PEBP1: variants seen among roughly 807,000 people sequenced by gnomAD.
The protein encoded by PEBP1 is phosphatidylethanolamine binding protein 1, also known as phosphatidylethanolamine-binding protein 1.
In PEBP1, 17 loss-of-function variants were observed where a neutral mutation model predicts 22.7. That is an observed-to-expected ratio of 0.75 (90% CI 0.51 to 1.12). The LOEUF (loss-of-function observed/expected upper bound fraction) is 1.12. PEBP1 is among the 50% of genes most tolerant of loss of function. PEBP1 has a pLI of 0.00. For synonymous variants in PEBP1, 106 were observed against 104.3 expected (o/e 1.02, Z -0.10); for missense variants, 205 against 243.5 (o/e 0.84, Z 1.05).
At chr12:118,143,224 A>C (rs963675974) in intron 3 of PEBP1, among the ~76,000 whole-genome samples, 1 of 152,100 alleles carries the variant, frequency 6.6e-6, no homozygotes, top group African/African-American at 2.4e-5. Flanking sequence ...GTCCCCATTG[A>C]CCAACAGCTC....
intron 3 of PEBP1, among the ~76,000 whole-genome samples, chr12:118,140,626 C>A (rs1467731575): frequency 1.3e-5 from 2 of 151,848 alleles, no homozygotes; most frequent in East Asian, 3.9e-4. Flanking sequence ...GCAAGCTCCA[C>A]CTCCCCGGTT....
chr12:118,144,219 C>T (rs139813468), intron 3 of PEBP1, among the ~76,000 whole-genome samples: 78 of 151,676 alleles, frequency 5.1e-4, no homozygotes, highest in African/African-American at 1.3e-3. Flanking sequence ...TGAGAAGGTC[C>T]GGGAGCCTGA....
rs962091475 is a variant in PEBP1 at position 118,136,862 on chromosome 12, G to T, written c.135+518G>T. Reference sequence around the variant, plus strand: ...TAAATGGGTCGAGAGCGTCCAGCCGGTACGCTGGAGGGCAACGGTTTAGTT... The same window carrying T: ...TAAATGGGTCGAGAGCGTCCAGCCGTTACGCTGGAGGGCAACGGTTTAGTT... On this transcript the variant is annotated intron_variant, in intron 1 of 3. Coordinates refer to ENST00000261313, the MANE Select transcript of PEBP1 (RefSeq NM_002567.4). The surrounding 1 kb of genome is among the most constrained non-coding windows in gnomAD (Gnocchi z 5.6). Among the ~76,000 whole-genome samples, 14 of 152,202 alleles carry T rather than the reference G, an allele frequency of 9.2e-5. No individual in the cohort carries two copies. The highest frequency in any genetic ancestry group is 1.5e-4 in the Non-Finnish European group (10 of 68,034).
At position 118,136,170 on chromosome 12, in the gene PEBP1, A is replaced by G; in HGVS notation, c.-40A>G. ...CGCCTCTGTCGCCCGCGCCTGGCCT[A>G]CCGCGGCACTCCCGGCTGCACGCTC... is the stretch of plus-strand genomic sequence containing the variant. On this transcript the variant is annotated 5_prime_UTR_variant, in exon 1 of 4. Transcript: ENST00000261313. The surrounding 1 kb of genome is among the most constrained non-coding windows in gnomAD (Gnocchi z 5.6). 4 of 1,538,112 alleles carry G rather than the reference A, an allele frequency of 2.6e-6. No individual in the cohort carries two copies. The South Asian group carries it at 4.8e-5, about 18-fold the overall frequency.
In PEBP1 at chr12:118,136,215, G is replaced by C. The variant is rs753622241; in HGVS notation, c.6G>C (p.Pro2=). ...ACGCTCTGCTTGGCCTCGCCATGCCGGTGGACCTCAGCAAGTGGTCCGGGC... is the reference window on the plus strand; with the variant it reads ...ACGCTCTGCTTGGCCTCGCCATGCCCGTGGACCTCAGCAAGTGGTCCGGGC... The part of the protein sequence containing the change: M[P]VDLSKWSGPL... Residue 2 remains proline (P), a synonymous_variant, in exon 1 of 4, where the codon CCG becomes CCC. Transcript: ENST00000261313. This position sits in a 1 kb window ranked among gnomAD's most constrained non-coding sequence, Gnocchi z 5.6. 14 of 1,545,802 alleles carry C rather than the reference G, an allele frequency of 9.1e-6. No individual in the cohort carries two copies. Among genetic ancestry groups the C allele is most frequent in the Non-Finnish European group, 1.2e-5 (14 of 1,146,504 alleles).
chr12:118,136,315 G>C lies in PEBP1; in HGVS notation c.106G>C (p.Glu36Gln). 6.5e-7 allele frequency: 1 copy of C among 1,544,988 alleles called. No homozygotes were observed. Among genetic ancestry groups the C allele is most frequent in the South Asian group, 1.2e-5 (1 of 83,962 alleles). ...HVTYAGAAVD[E>Q]LGKVLTPTQV... ...CACCTACGCCGGGGCGGCGGTGGACGAGCTGGGCAAAGTGCTGACGCCCAC... is the reference window on the plus strand; with the variant it reads ...CACCTACGCCGGGGCGGCGGTGGACCAGCTGGGCAAAGTGCTGACGCCCAC... The change falls in exon 1 of 4, where the codon GAG (glutamate) becomes CAG (glutamine). Residue 36 changes from glutamate to glutamine, a missense_variant. Glu to Gln is a conservative substitution (Grantham distance 29). Coordinates refer to ENST00000261313, the MANE Select transcript of PEBP1 (RefSeq NM_002567.4). The surrounding 1 kb of genome is among the most constrained non-coding windows in gnomAD (Gnocchi z 5.6).
chr12:118,139,375 G>A, intron 2 of PEBP1, 76 bp from the exon 3 acceptor site: 1 of 934,104 alleles, frequency 1.1e-6, no homozygotes, highest in Non-Finnish European at 1.8e-6. Flanking sequence ...GCATGTTCTT[G>A]ATGCCCAGTT....
chr12:118,136,979 C>T lies in PEBP1; in HGVS notation c.135+635C>T, dbSNP rs967301030. Among the ~76,000 whole-genome samples the T allele has an allele frequency of 5.3e-5, 8 of 152,152 alleles. No homozygotes were observed. The highest frequency in any genetic ancestry group is 1.4e-4 in the African/African-American group (6 of 41,430). ...CCACTGCTAGTTGGTTATGAAGCTC[C>T]GGGCAACAGCGTAAAATAAACTGCC... On this transcript the variant is annotated intron_variant, in intron 1 of 3. Transcript: ENST00000261313. The surrounding 1 kb of genome is among the most constrained non-coding windows in gnomAD (Gnocchi z 5.6).
intron 2 of PEBP1, 107 bp downstream of exon 2, chr12:118,138,255 C>A: frequency 1.3e-6 from 1 of 762,916 alleles, no homozygotes; most frequent in South Asian, 1.5e-5. Flanking sequence ...ATGCCCCCAC[C>A]CATGCTTAAG....
intron 3 of PEBP1, among the ~76,000 whole-genome samples, 169 bp from the exon 4 acceptor site, chr12:118,144,417 T>C (rs1274913487): frequency 2.0e-5 from 3 of 152,298 alleles, no homozygotes; most frequent in Non-Finnish European, 4.4e-5. Flanking sequence ...AATGTGTTAA[T>C]TGCCATTAAA....
At chr12:118,143,297 C>T (rs910638539) in intron 3 of PEBP1, among the ~76,000 whole-genome samples, 6 of 152,144 alleles carry the variant, frequency 3.9e-5, no homozygotes, top group Non-Finnish European at 8.8e-5. Flanking sequence ...TGTTTGTCTA[C>T]TTTAGATACC....
At chr12:118,138,416 T>G (rs891345272) in intron 2 of PEBP1, among the ~76,000 whole-genome samples, 2 of 152,152 alleles carry the variant, frequency 1.3e-5, no homozygotes, top group Non-Finnish European at 2.9e-5. Context: ...ATTTTTTATT[T>G]TTTTGAGACA....
rs766000487 is a variant in PEBP1, at chr12:118,139,479, A to G, written c.274A>G (p.Met92Val). ...REWHHFLVVN[M>V]KGNDISSGTV... ...ATGGCATCATTTCCTGGTGGTCAAC[A>G]TGAAGGGCAATGACATCAGCAGTGG... Residue 92 changes from methionine to valine, a missense_variant, in exon 3 of 4, where the codon ATG (methionine) becomes GTG (valine). Transcript: ENST00000261313. 4.3e-6 allele frequency: 7 copies of G among 1,612,838 alleles called. No individual in the cohort carries two copies. Among genetic ancestry groups the G allele is most frequent in the African/African-American group, 2.7e-5 (2 of 74,854 alleles).
At position 118,136,242 on chromosome 12, in the gene PEBP1, C is replaced by G; in HGVS notation, c.33C>G (p.Pro11=). The G allele has an allele frequency of 2.6e-6, 4 of 1,547,168 alleles. No individual in the cohort carries two copies. Among genetic ancestry groups the G allele is most frequent in the Non-Finnish European group, 3.5e-6 (4 of 1,146,614 alleles). The part of the protein sequence containing the change: MPVDLSKWSG[P]LSLQEVDEQP... ...TGGACCTCAGCAAGTGGTCCGGGCC[C>G]TTGAGCCTGCAAGAAGTGGACGAGC... The change falls in exon 1 of 4, where the codon CCC becomes CCG. Residue 11 remains proline (P), a synonymous_variant. Transcript: ENST00000261313. This position sits in a 1 kb window ranked among gnomAD's most constrained non-coding sequence, Gnocchi z 5.6.
chr12:118,139,004 C>A, intron 2 of PEBP1: 1 of 169,180 alleles, frequency 5.9e-6, no homozygotes, highest in South Asian at 1.3e-4. Flanking sequence ...ACATGAGGTT[C>A]GTGCTGGCCT....
Position 118,144,981 on chromosome 12 carries a change from A to G in PEBP1, c.*178A>G. On this transcript the variant is annotated 3_prime_UTR_variant, in exon 4 of 4. Coordinates refer to ENST00000261313, the MANE Select transcript of PEBP1 (RefSeq NM_002567.4). The stretch of plus-strand genomic sequence containing the variant: ...CTGCCTGGCCTTTATAATTTTACTC[A>G]CTCACTCTGATTTATGTTTTGATCA... 6.6e-7 allele frequency: 1 copy of G among 1,524,686 alleles called. No homozygotes were observed. The highest frequency in any genetic ancestry group is 1.2e-5 in the South Asian group (1 of 83,150). 94.4% of individuals were successfully genotyped at this position (1,524,686 alleles called of 1,614,324 possible).
chr12:118,141,156 T>C (rs1242481813), intron 3 of PEBP1, among the ~76,000 whole-genome samples: 1 of 151,884 alleles, frequency 6.6e-6, no homozygotes, highest in Non-Finnish European at 1.5e-5. Context: ...TCGCTCTGTC[T>C]CCCAGGCTGG....
Position 118,145,117 on chromosome 12 carries a change from AC to A in PEBP1, c.*316del. 1 of 674,348 alleles carries A rather than the reference AC, an allele frequency of 1.5e-6. No homozygotes were observed. The highest frequency in any genetic ancestry group is 2.3e-6 in the Non-Finnish European group (1 of 431,944). 41.8% of individuals were successfully genotyped at this position (674,348 alleles called of 1,614,324 possible). A position where few individuals can be genotyped will look rare whatever the true frequency, so the allele number is the denominator to read the frequency against. On this transcript the variant is annotated 3_prime_UTR_variant, in exon 4 of 4. Transcript: ENST00000261313. ...AAAAGAAAAAACTGGGGGGAAAAAG[AC>A]CAGGTCTACAGTGATAGAGCAAAGC...
chr12:118,145,242 A>AT lies in PEBP1; in HGVS notation c.*443dup. On this transcript the variant is annotated 3_prime_UTR_variant, in exon 4 of 4. Coordinates refer to ENST00000261313, the MANE Select transcript of PEBP1 (RefSeq NM_002567.4). ...TGAGTCCAGAATGGTACACAATGTGATTTTATGGTGATGTCACTCACCTAG... is the reference window on the plus strand; with the variant it reads ...TGAGTCCAGAATGGTACACAATGTGATTTTTATGGTGATGTCACTCACCTAG... 1 of 343,622 alleles carries AT rather than the reference A, an allele frequency of 2.9e-6. No homozygotes were observed. The highest frequency in any genetic ancestry group is 2.4e-5 in the South Asian group (1 of 42,490). The allele number at this position is 343,622 out of a possible 1,614,324, so 21.3% of individuals were successfully genotyped here.
Sources: allele counts gnomAD v4.1 joint callset (sites outside exome capture counted in the v4.1 genomes callset), GRCh38; gene constraint gnomAD v4.1.1; non-coding constraint Gnocchi (gnomAD v3.1); transcripts MANE v1.5; gene names NCBI Gene and HGNC (gene_info 2026-07-23, HGNC 2026-07-21).